The following KIAA1328 variants were observed in gnomAD, a reference collection of about 807,000 sequenced individuals.
KIAA1328 encodes protein hinderin.
Under a neutral mutation model 68.1 loss-of-function variants are expected in KIAA1328, and 52 were observed. The observed-to-expected ratio is 0.76, with a 90% CI of 0.61 to 0.96. The LOEUF (loss-of-function observed/expected upper bound fraction) is 0.96, where lower values mean the gene tolerates loss of function less well. Ranked by LOEUF, KIAA1328 falls within the 40% of genes least tolerant of loss-of-function variation. KIAA1328 has a pLI of 0.00. For missense variants in KIAA1328, 641 were observed against 677.6 expected (o/e 0.95, Z 0.60); for synonymous variants, 232 against 239.4 (o/e 0.97, Z 0.28).
intron 9 of KIAA1328, among the ~76,000 whole-genome samples, chr18:37,192,642 C>G (rs2059928797): frequency 1.3e-5 from 2 of 152,182 alleles, no homozygotes; most frequent in African/African-American, 4.8e-5. Flanking sequence ...GTGCTTGTCT[C>G]TCAGTACAAT....
intron 5 of KIAA1328, among the ~76,000 whole-genome samples, chr18:36,930,575 T>C (rs1051885091): frequency 6.6e-6 from 1 of 152,130 alleles, no homozygotes; most frequent in Non-Finnish European, 1.5e-5. Context: ...GTTTTAAAAA[T>C]AATGGTAGCA....
chr18:37,019,588 A>G (rs1015381697), intron 6 of KIAA1328, among the ~76,000 whole-genome samples: 17 of 152,072 alleles, frequency 1.1e-4, no homozygotes, highest in African/African-American at 3.6e-4. Flanking sequence ...GAACTGTGAA[A>G]CCTCCTTGGC....
At chr18:36,990,057 G>A (rs540114382) in intron 6 of KIAA1328, among the ~76,000 whole-genome samples, 2 of 152,074 alleles carry the variant, frequency 1.3e-5, no homozygotes, top group East Asian at 1.9e-4. Flanking sequence ...CCTGGTCTTC[G>A]GAAGGAATTC....
At chr18:36,867,318 C>T (rs561092637) in intron 4 of KIAA1328, among the ~76,000 whole-genome samples, 50 of 152,290 alleles carry the variant, frequency 3.3e-4, no homozygotes, top group African/African-American at 1.1e-3. Flanking sequence ...CTGCTTTCAC[C>T]ATGTGAAGTG....
At chr18:36,887,112 CTTT>C (rs553425006) in intron 5 of KIAA1328, among the ~76,000 whole-genome samples, 9 of 134,640 alleles carry the variant, frequency 6.7e-5, no homozygotes, top group Admixed American at 1.5e-4. Flanking sequence ...CCAACTTTCT[CTTT>C]TTTTTTTTTT....
Position 37,173,082 on chromosome 18 carries a change from G to C in KIAA1328, c.1523+1G>C, listed in dbSNP as rs1237019897. ...CATCATTACAGCACACCACCTCCCG[G>C]TAAGCTTCAGAGATTCTTTAGTTTT... On this transcript the variant is annotated splice_donor_variant, in intron 9 of 9. Transcript: ENST00000280020. LOFTEE classifies it high-confidence loss of function. 3.1e-6 allele frequency: 5 copies of C among 1,601,442 alleles called. No individual in the cohort carries two copies. The highest frequency in any genetic ancestry group is 4.3e-6 in the Non-Finnish European group (5 of 1,171,082).
At chr18:36,982,969 A>G (rs1388929290) in intron 6 of KIAA1328, among the ~76,000 whole-genome samples, 1 of 152,026 alleles carries the variant, frequency 6.6e-6, no homozygotes, top group Non-Finnish European at 1.5e-5. Context: ...TAAAGCAACC[A>G]CTAAAATAAC....
At chr18:37,145,525 G>A (rs2058878045) in intron 7 of KIAA1328, among the ~76,000 whole-genome samples, 1 of 151,722 alleles carries the variant, frequency 6.6e-6, no homozygotes, top group Non-Finnish European at 1.5e-5. Flanking sequence ...TTTATTTTTT[G>A]GTACTATCAA....
chr18:36,848,541 CTTTTTTTTTTTT>C (rs59271370), intron 4 of KIAA1328, among the ~76,000 whole-genome samples: 6 of 38,144 alleles, frequency 1.6e-4, no homozygotes, highest in African/African-American at 6.9e-4. Flanking sequence ...TCTATAGATG[CTTTTTTTTTTTT>C]TTTTTTTTTT....
intron 7 of KIAA1328, among the ~76,000 whole-genome samples, chr18:37,076,957 A>G (rs2056761288): frequency 6.6e-6 from 1 of 152,188 alleles, no homozygotes; most frequent in Non-Finnish European, 1.5e-5. Context: ...CAATAGAAAA[A>G]GAAGGAATCC....
intron 6 of KIAA1328, among the ~76,000 whole-genome samples, chr18:37,045,395 A>C (rs1392339277): frequency 6.6e-6 from 1 of 152,058 alleles, no homozygotes; most frequent in Non-Finnish European, 1.5e-5. Flanking sequence ...CTGTATAAAT[A>C]GTGCTTCCTT....
At chr18:37,064,433 C>G (rs2056270137) in intron 6 of KIAA1328, among the ~76,000 whole-genome samples, 1 of 151,704 alleles carries the variant, frequency 6.6e-6, no homozygotes. Context: ...TACTAGGGAT[C>G]TCATTTATTC....
Position 36,980,656 on chromosome 18 carries a change from T to A in KIAA1328, c.576+21221T>A, listed in dbSNP as rs150048709. 8.4e-3 allele frequency among the ~76,000 whole-genome samples: 1,286 copies of A among 152,292 alleles called. 12 individuals carry two copies. The highest frequency in any genetic ancestry group is 0.028 in the African/African-American group (1,160 of 41,562). ...TGGAGTTAATTCCAGCTGACATGGT[T>A]TGGCTCTGTGTTCCCACCCAAATAT... On this transcript the variant is annotated intron_variant, in intron 6 of 9. Transcript: ENST00000280020.
chr18:37,096,269 T>C (rs1397145369), intron 7 of KIAA1328, among the ~76,000 whole-genome samples: 1 of 152,086 alleles, frequency 6.6e-6, no homozygotes, highest in Non-Finnish European at 1.5e-5. Context: ...GATGTTCCCC[T>C]TCCTGTGTCC....
intron 6 of KIAA1328, among the ~76,000 whole-genome samples, chr18:37,003,264 C>A (rs1458132574): frequency 6.6e-6 from 1 of 152,050 alleles, no homozygotes; most frequent in Non-Finnish European, 1.5e-5. Context: ...GGTAAACTCT[C>A]TTGGACATTT....
intron 7 of KIAA1328, among the ~76,000 whole-genome samples, chr18:37,130,638 T>C (rs1029177433): frequency 3.3e-5 from 5 of 151,428 alleles, no homozygotes; most frequent in African/African-American, 1.2e-4. Context: ...AAAAAAGAAA[T>C]GTTAGACTAG....
intron 7 of KIAA1328, among the ~76,000 whole-genome samples, chr18:37,103,161 A>G (rs1394832649): frequency 6.6e-6 from 1 of 152,238 alleles, no homozygotes; most frequent in African/African-American, 2.4e-5. Flanking sequence ...TATATAAAAT[A>G]TAAATCTTAA....
chr18:36,869,689 A>T (rs544611414), intron 4 of KIAA1328, among the ~76,000 whole-genome samples: 1 of 152,118 alleles, frequency 6.6e-6, no homozygotes, highest in African/African-American at 2.4e-5. Flanking sequence ...GGCTTCTTAG[A>T]CCTGAAATGA....
At chr18:36,939,706 G>T (rs1447977037) in intron 5 of KIAA1328, among the ~76,000 whole-genome samples, 1 of 152,074 alleles carries the variant, frequency 6.6e-6, no homozygotes, top group Admixed American at 6.6e-5. Context: ...TCACCATTGA[G>T]TATAATGTCA....
Sources: gnomAD v4.1 joint callset for allele counts (sites outside exome capture counted in the v4.1 genomes callset) on GRCh38, gnomAD v4.1.1 for gene constraint, MANE v1.5 for transcripts, NCBI Gene and HGNC (gene_info 2026-07-23, HGNC 2026-07-21) for gene names.